The following PTPRD variants were observed in gnomAD, a reference collection of about 807,000 sequenced individuals.
PTPRD encodes receptor-type tyrosine-protein phosphatase delta.
PTPRD carries 34 observed loss-of-function variants against 214.5 expected under a neutral mutation model. The ratio of observed to expected loss-of-function variants is 0.16; its 90% CI spans 0.12 to 0.21. The LOEUF is 0.21. Ranked by LOEUF, PTPRD falls within the 10% of genes least tolerant of loss-of-function variation. The pLI, the probability that PTPRD is intolerant of heterozygous loss-of-function variation, is 1.00. For missense variants in PTPRD, 2,545 were observed against 2,398.7 expected, an observed-to-expected ratio of 1.06 and a Z score of -1.27; for synonymous variants, 1,128 against 845.7, an observed-to-expected ratio of 1.33 and a Z score of -5.79.
chr9:8,715,983 AT>A (rs2098429429), intron 12 of PTPRD, among the ~76,000 whole-genome samples: 1 of 152,238 alleles, frequency 6.6e-6, no homozygotes, highest in South Asian at 2.1e-4. Context: ...TGAAATGCTA[AT>A]TCACTGGCTG....
chr9:9,108,690 C>A (rs1256532322), intron 10 of PTPRD, among the ~76,000 whole-genome samples: 1 of 152,146 alleles, frequency 6.6e-6, no homozygotes, highest in Non-Finnish European at 1.5e-5. Flanking sequence ...CTTCTTTTTA[C>A]AGCACATTGA....
intron 3 of PTPRD, among the ~76,000 whole-genome samples, chr9:10,252,457 G>C (rs1279781599): frequency 6.6e-6 from 1 of 152,082 alleles, no homozygotes; most frequent in African/African-American, 2.4e-5. Flanking sequence ...TAAAGCCTTT[G>C]AAGTAACACC....
At chr9:10,095,348 G>C (rs1224275158) in intron 3 of PTPRD, among the ~76,000 whole-genome samples, 1 of 151,370 alleles carries the variant, frequency 6.6e-6, no homozygotes, top group Admixed American at 6.6e-5. Flanking sequence ...GGAAATGCCT[G>C]TCAGGAATCC....
chr9:10,334,452 A>G (rs2096807588), intron 3 of PTPRD, among the ~76,000 whole-genome samples: 1 of 151,514 alleles, frequency 6.6e-6, no homozygotes, highest in African/African-American at 2.4e-5. Context: ...AATATAACAT[A>G]CTGAAAACAT....
At chr9:10,494,433 A>G (rs1487515460) in intron 2 of PTPRD, among the ~76,000 whole-genome samples, 2 of 151,792 alleles carry the variant, frequency 1.3e-5, no homozygotes, top group Non-Finnish European at 2.9e-5. Context: ...GCATTTTAAC[A>G]GTATTGGCCT....
chr9:9,512,870 G>A (rs1466097687), intron 8 of PTPRD, among the ~76,000 whole-genome samples: 17 of 145,864 alleles, frequency 1.2e-4, no homozygotes, highest in South Asian at 2.1e-4. Context: ...CTATGGTGAT[G>A]AAAAAAAAAA....
At chr9:8,698,729 C>T (rs756209810) in intron 12 of PTPRD, among the ~76,000 whole-genome samples, 4 of 152,102 alleles carry the variant, frequency 2.6e-5, no homozygotes, top group African/African-American at 7.2e-5. Context: ...AGAAATACTC[C>T]GGCATAATAC....
At chr9:10,196,967 A>G (rs980261883) in intron 3 of PTPRD, among the ~76,000 whole-genome samples, 4 of 152,302 alleles carry the variant, frequency 2.6e-5, no homozygotes, top group Non-Finnish European at 5.9e-5. Flanking sequence ...GATGGCCCTC[A>G]TCGGAACCTG....
intron 11 of PTPRD, among the ~76,000 whole-genome samples, chr9:8,890,512 G>A (rs1423462692): frequency 6.6e-6 from 1 of 152,204 alleles, no homozygotes; most frequent in African/African-American, 2.4e-5. Flanking sequence ...CATCTTTTGG[G>A]TCAGGACTGA....
chr9:10,438,144 C>CATTT (rs1489575450), intron 2 of PTPRD, among the ~76,000 whole-genome samples: 1 of 150,656 alleles, frequency 6.6e-6, no homozygotes, highest in Admixed American at 6.6e-5. Context: ...ACAGGTGGTC[C>CATTT]ATTTATTAAG....
At chr9:10,337,977 A>T (rs1056366899) in intron 3 of PTPRD, among the ~76,000 whole-genome samples, 7 of 151,738 alleles carry the variant, frequency 4.6e-5, no homozygotes, top group Middle Eastern at 3.4e-3. Flanking sequence ...AATTTTTTTT[A>T]AATTTATCTT....
intron 5 of PTPRD, among the ~76,000 whole-genome samples, chr9:9,813,379 T>G (rs1028099245): frequency 2.1e-5 from 2 of 97,338 alleles, no homozygotes; most frequent in Non-Finnish European, 3.5e-5. Flanking sequence ...ACAAAATTGA[T>G]AAACCTTTAG....
intron 2 of PTPRD, among the ~76,000 whole-genome samples, chr9:10,560,461 T>C (rs1341411880): frequency 6.6e-6 from 1 of 152,114 alleles, no homozygotes; most frequent in African/African-American, 2.4e-5. Context: ...TAATGCTAGA[T>C]GACGAGTTAG....
chr9:9,746,387 C>T (rs2098458206), intron 6 of PTPRD, among the ~76,000 whole-genome samples: 1 of 152,016 alleles, frequency 6.6e-6, no homozygotes, highest in Admixed American at 6.6e-5. Flanking sequence ...TTGGAGAAAA[C>T]ATATCTAAAA....
chr9:9,629,214 G>C (rs1388608308), intron 7 of PTPRD, among the ~76,000 whole-genome samples: 1 of 140,522 alleles, frequency 7.1e-6, no homozygotes, highest in Non-Finnish European at 1.6e-5. Context: ...TGAAAATTCT[G>C]GGGAGATATA....
chr9:8,501,403 C>G (rs894946240), intron 23 of PTPRD, among the ~76,000 whole-genome samples: 2 of 152,140 alleles, frequency 1.3e-5, no homozygotes, highest in African/African-American at 4.8e-5. Context: ...CCCCACTATA[C>G]TGACTACCCA....
In PTPRD at chr9:9,231,615, A is replaced by G. The variant is rs115888191; in HGVS notation, c.-202-48252T>C. Among the ~76,000 whole-genome samples the G allele has an allele frequency of 1.8e-3, 274 of 152,258 alleles. 6 individuals carry two copies. Among genetic ancestry groups the G allele is most frequent in the African/African-American group, 6.2e-3 (259 of 41,570 alleles). On this transcript the variant is annotated intron_variant, in intron 9 of 45. Coordinates refer to ENST00000381196, the MANE Select transcript of PTPRD (RefSeq NM_002839.4). ...ACTATATATAATTAGGTATATGCCA[A>G]AGTCAGCTTTGTTTTGCTATTCCTG...
At chr9:9,785,229 T>C (rs1713923932) in intron 5 of PTPRD, among the ~76,000 whole-genome samples, 1 of 151,946 alleles carries the variant, frequency 6.6e-6, no homozygotes, top group African/African-American at 2.4e-5. Flanking sequence ...CAGGAAACAC[T>C]ACAGTAGTAA....
intron 9 of PTPRD, among the ~76,000 whole-genome samples, chr9:9,303,727 C>A (rs1398674465): frequency 6.6e-6 from 1 of 152,080 alleles, no homozygotes; most frequent in Non-Finnish European, 1.5e-5. Context: ...GCACATGGTA[C>A]TTGAGGGAAT....
Sources: gnomAD v4.1 joint callset for allele counts (sites outside exome capture counted in the v4.1 genomes callset) on GRCh38, gnomAD v4.1.1 for gene constraint, MANE v1.5 for transcripts, NCBI Gene and HGNC (gene_info 2026-07-23, HGNC 2026-07-21) for gene names.